The following CARMIL3 variants were observed in gnomAD, a reference collection of about 807,000 sequenced individuals.
The protein encoded by CARMIL3 is capping protein, Arp2/3 and myosin-I linker protein 3.
Under a neutral mutation model 180.8 loss-of-function variants are expected in CARMIL3, and 88 were observed. The ratio of observed to expected loss-of-function variants is 0.49; its 90% CI spans 0.41 to 0.58. The LOEUF is 0.58. Ranked by LOEUF, CARMIL3 falls within the 20% of genes least tolerant of loss-of-function variation. The pLI is 0.00. For missense variants in CARMIL3, 1,548 were observed against 1,787.0 expected, an observed-to-expected ratio of 0.87 and a Z score of 2.41; for synonymous variants, 696 against 714.5, an observed-to-expected ratio of 0.97 and a Z score of 0.41.
In CARMIL3 at chr14:24,059,489, C is replaced by A; in HGVS notation, c.1799+47C>A. The A allele has an allele frequency of 6.5e-7, 1 of 1,544,618 alleles. No homozygotes were observed. Among genetic ancestry groups the A allele is most frequent in the Non-Finnish European group, 8.8e-7 (1 of 1,141,952 alleles). ...CCTGACCTGGAGCCCCAGCCCCTCCCCATATGTACATAATCTCCCTGCTTT... is the reference window on the plus strand; with the variant it reads ...CCTGACCTGGAGCCCCAGCCCCTCCACATATGTACATAATCTCCCTGCTTT... On this transcript the variant is annotated intron_variant, in intron 21 of 39. Coordinates refer to ENST00000342740, the MANE Select transcript of CARMIL3 (RefSeq NM_138360.4). This position sits in a 1 kb window ranked among gnomAD's most constrained non-coding sequence, Gnocchi z 6.3.
At position 24,068,658 on chromosome 14, in the gene CARMIL3, G is replaced by A; in HGVS notation, c.3757G>A (p.Gly1253Arg). 1.9e-6 allele frequency: 3 copies of A among 1,613,974 alleles called. No homozygotes were observed. The highest frequency in any genetic ancestry group is 2.5e-6 in the Non-Finnish European group (3 of 1,179,946). Residue 1253 changes from glycine to arginine, a missense_variant, in exon 37 of 40, where the codon GGG (glycine) becomes AGG (arginine). Transcript: ENST00000342740. ...CCAAGATGGGGAAGAGGAGAAGGAGGGGACCCTCTTCCCAGAGAGGACACT... is the reference window on the plus strand; with the variant it reads ...CCAAGATGGGGAAGAGGAGAAGGAGAGGACCCTCTTCCCAGAGAGGACACT... ...ASQDGEEEKE[G>R]TLFPERTLPA...
Position 24,061,023 on chromosome 14 carries a change from G to A in CARMIL3, c.2287G>A (p.Val763Met), listed in dbSNP as rs1435445366. The A allele has an allele frequency of 1.9e-6, 3 of 1,551,624 alleles. No individual in the cohort carries two copies. In the African/African-American group the frequency reaches 4.1e-5, roughly 21 times the overall value. Reference protein sequence around the residue: ...ESVASEVSKAVDKELQVILES... With the variant: ...ESVASEVSKAMDKELQVILES... ...AGTAGCAAGTGAGGTGTCCAAAGCT[G>A]TGGACAAGGAGCTGCAGGCAAGTCC... Residue 763 changes from valine (V) to methionine (M), a missense_variant, in exon 26 of 40, where the codon GTG becomes ATG. Physicochemically the swap from Val to Met is conservative, Grantham distance 21. This residue lies in a region of CARMIL3 where 297 missense variants were observed against 415.9 expected (regional missense o/e 0.71). Transcript: ENST00000342740. The surrounding 1 kb of genome is among the most constrained non-coding windows in gnomAD (Gnocchi z 4.1).
In CARMIL3 at chr14:24,054,693, G is replaced by T. The variant is rs780464718; in HGVS notation, c.363-18G>T. 1.4e-5 allele frequency: 23 copies of T among 1,610,506 alleles called. No individual in the cohort carries two copies. The highest frequency in any genetic ancestry group is 1.6e-5 in the Non-Finnish European group (19 of 1,177,536). Reference sequence around the variant, plus strand: ...GCCTCTTTCCAGCCCTCTCTGGAATGACTTGTTTCTTTTCCAGGTGTTTGA... The same window carrying T: ...GCCTCTTTCCAGCCCTCTCTGGAATTACTTGTTTCTTTTCCAGGTGTTTGA... On this transcript the variant is annotated intron_variant, in intron 5 of 39. Transcript: ENST00000342740. This position sits in a 1 kb window ranked among gnomAD's most constrained non-coding sequence, Gnocchi z 5.1.
At position 24,062,862 on chromosome 14, in the gene CARMIL3, C is replaced by T; in HGVS notation, c.2706+16C>T. 6.3e-7 allele frequency: 1 copy of T among 1,591,676 alleles called. No homozygotes were observed. The highest frequency in any genetic ancestry group is 8.5e-7 in the Non-Finnish European group (1 of 1,169,682). ...GACCAACATTGTGAGCCCCCCGCTCCCTGCTCCTCCTTAATAACCTGGGCC... is the reference window on the plus strand; with the variant it reads ...GACCAACATTGTGAGCCCCCCGCTCTCTGCTCCTCCTTAATAACCTGGGCC... On this transcript the variant is annotated intron_variant, in intron 29 of 39. Transcript: ENST00000342740.
At position 24,061,242 on chromosome 14, in the gene CARMIL3, C is replaced by T. The variant is rs936434650; in HGVS notation, c.2304+202C>T. On this transcript the variant is annotated intron_variant, in intron 26 of 39. Transcript: ENST00000342740. The surrounding 1 kb of genome is among the most constrained non-coding windows in gnomAD (Gnocchi z 4.1). ...TTTCTGCTAGCTTTGATGTTGGTCCCTGAACTCTGACCTCCCTGCTCTGGA... is the reference window on the plus strand; with the variant it reads ...TTTCTGCTAGCTTTGATGTTGGTCCTTGAACTCTGACCTCCCTGCTCTGGA... The T allele has an allele frequency of 4.7e-6, 3 of 632,760 alleles. No homozygotes were observed. The highest frequency in any genetic ancestry group is 3.7e-5 in the African/African-American group (2 of 54,446). The allele number at this position is 632,760 out of a possible 1,614,324, so 39.2% of individuals were successfully genotyped here. A position where few individuals can be genotyped will look rare whatever the true frequency, so the allele number is the denominator to read the frequency against.
chr14:24,057,355 G>T, intron 14 of CARMIL3, 111 bp downstream of exon 14: 9 of 953,876 alleles, frequency 9.4e-6, no homozygotes, highest in South Asian at 1.4e-5. Context: ...CTGTCTAGAT[G>T]ACTTCAGGTT....
At chr14:24,064,802 C>T (rs4144200) in intron 32 of CARMIL3, among the ~76,000 whole-genome samples, 156 bp from the exon 33 acceptor site, 4,913 of 152,168 alleles carry the variant, frequency 0.032, 132 homozygotes, top group East Asian at 0.08. Flanking sequence ...AGGATTACAA[C>T]GGGACAGGAA....
Position 24,055,154 on chromosome 14 carries a change from C to G in CARMIL3, c.531+18C>G. 1.2e-6 allele frequency: 2 copies of G among 1,614,018 alleles called. No individual in the cohort carries two copies. The highest frequency in any genetic ancestry group is 1.7e-6 in the Non-Finnish European group (2 of 1,179,966). On this transcript the variant is annotated intron_variant, in intron 7 of 39. Coordinates refer to ENST00000342740, the MANE Select transcript of CARMIL3 (RefSeq NM_138360.4). ...TTCAATGGGTATGTTGGGCAGGGAC[C>G]CCATAGGGAACAGGTGGGACCTGGA...
At position 24,060,911 on chromosome 14, in the gene CARMIL3, C is replaced by A. The variant is rs748472436; in HGVS notation, c.2191-16C>A. 1 of 1,550,570 alleles carries A rather than the reference C, an allele frequency of 6.4e-7. No individual in the cohort carries two copies. Among genetic ancestry groups the A allele is most frequent in the Non-Finnish European group, 8.7e-7 (1 of 1,146,084 alleles). On this transcript the variant is annotated splice_polypyrimidine_tract_variant and intron_variant, in intron 25 of 39. Coordinates refer to ENST00000342740, the MANE Select transcript of CARMIL3 (RefSeq NM_138360.4). ...CCTGGTTCTGGCCTGCTAATCATAA[C>A]CCCTTCCTTCTCCAGCTGTTTCCCA...
intron 2 of CARMIL3, 110 bp downstream of exon 2, chr14:24,053,913 G>A (rs2035644328): frequency 8.4e-7 from 1 of 1,186,802 alleles, no homozygotes; most frequent in African/African-American, 1.5e-5. Flanking sequence ...TGGACACTGA[G>A]GAGACAAAAC....
Position 24,062,734 on chromosome 14 carries a change from C to T in CARMIL3, c.2594C>T (p.Thr865Met), listed in dbSNP as rs755925885. 41 of 1,611,726 alleles carry T rather than the reference C, an allele frequency of 2.5e-5. No homozygotes were observed. Among genetic ancestry groups the T allele is most frequent in the South Asian group, 7.7e-5 (7 of 90,646 alleles). Residue 865 changes from threonine (T) to methionine (M), a missense_variant, in exon 29 of 40, where the codon ACG becomes ATG. This residue lies in a region of CARMIL3 where 668 missense variants were observed against 687.8 expected (regional missense o/e 0.97). Coordinates refer to ENST00000342740, the MANE Select transcript of CARMIL3 (RefSeq NM_138360.4). ...SLARHLTQLR[T>M]LSDPPGCPGQ... ...GCCCGGCACCTGACCCAGCTAAGGA[C>T]GCTGTCAGATCCACCAGGGTGCCCA...
At chr14:24,066,773 C>T (rs1207061302) in intron 36 of CARMIL3, 117 bp downstream of exon 36, 11 of 1,015,676 alleles carry the variant, frequency 1.1e-5, no homozygotes, top group African/African-American at 1.6e-5. Context: ...AGTGAGAAGT[C>T]AACACAGTGA....
At position 24,062,293 on chromosome 14, in the gene CARMIL3, G is replaced by T. The variant is rs1465177077; in HGVS notation, c.2481-187G>T. 5 of 640,820 alleles carry T rather than the reference G, an allele frequency of 7.8e-6. No homozygotes were observed. In the East Asian group the frequency reaches 8.1e-5, roughly 10 times the overall value. The allele number at this position is 640,820 out of a possible 1,614,324, so 39.7% of individuals were successfully genotyped here. ...GGCTGGGGGCTCTGGGGTGGGACTA[G>T]ACGTGTATTTGTGGAGAAATGAGTG... On this transcript the variant is annotated intron_variant, in intron 27 of 39. Transcript: ENST00000342740.
chr14:24,056,436 C>A, intron 11 of CARMIL3, 43 bp downstream of exon 11: 1 of 1,581,930 alleles, frequency 6.3e-7, no homozygotes, highest in Non-Finnish European at 8.7e-7. Context: ...CAATGCAGAC[C>A]CCTGTCCTAG....
At chr14:24,057,330 C>T in intron 14 of CARMIL3, 86 bp downstream of exon 14, 1 of 1,229,694 alleles carries the variant, frequency 8.1e-7, no homozygotes, top group Non-Finnish European at 1.2e-6. Flanking sequence ...TCCCTGAGTA[C>T]ACAGGCGGGC....
In CARMIL3 at chr14:24,064,325, G is replaced by T. The variant is rs1206311052; in HGVS notation, c.3059G>T (p.Arg1020Met). Residue 1020 changes from arginine (R) to methionine (M), a missense_variant, in exon 32 of 40, where the codon AGG (arginine) becomes ATG (methionine). Arg to Met is a moderately conservative substitution (Grantham distance 91, BLOSUM62 -1). This residue lies in a region of CARMIL3 where 668 missense variants were observed against 687.8 expected (regional missense o/e 0.97). Coordinates refer to ENST00000342740, the MANE Select transcript of CARMIL3 (RefSeq NM_138360.4). Reference sequence around the variant, plus strand: ...GGGCTGGAGGACTTCTTCAGCCGAAGGGTCCTGGAGGAAAGTTCTAGGTGT... The same window carrying T: ...GGGCTGGAGGACTTCTTCAGCCGAATGGTCCTGGAGGAAAGTTCTAGGTGT... ...DEGLEDFFSR[R>M]VLEESSSYPR... 6.2e-7 allele frequency: 1 copy of T among 1,611,640 alleles called. No homozygotes were observed. Among genetic ancestry groups the T allele is most frequent in the South Asian group, 1.1e-5 (1 of 90,384 alleles).
Position 24,062,712 on chromosome 14 carries a change from C to G in CARMIL3, c.2572C>G (p.Arg858Gly), listed in dbSNP as rs754074691. 2.5e-6 allele frequency: 4 copies of G among 1,607,244 alleles called. No homozygotes were observed. Among genetic ancestry groups the G allele is most frequent in the African/African-American group, 2.7e-5 (2 of 74,826 alleles). Residue 858 changes from arginine (R) to glycine (G), a missense_variant, in exon 29 of 40, where the codon CGG becomes GGG. Physicochemically the swap from Arg to Gly is moderately radical, Grantham distance 125. Transcript: ENST00000342740. ...ELYHSHKSLA[R>G]HLTQLRTLSD... The stretch of plus-strand genomic sequence containing the variant: ...GTTCACACCTGCCCTTCCCCAGGCC[C>G]GGCACCTGACCCAGCTAAGGACGCT...
chr14:24,053,566 C>T, intron 1 of CARMIL3, 143 bp from the exon 2 acceptor site: 1 of 596,656 alleles, frequency 1.7e-6, no homozygotes, highest in Non-Finnish European at 3.0e-6. Context: ...AAGGAATGCC[C>T]TCTGTCCCTG....
chr14:24,057,109 G>T, intron 13 of CARMIL3, 58 bp from the exon 14 acceptor site: 2 of 1,595,540 alleles, frequency 1.3e-6, no homozygotes, highest in Non-Finnish European at 1.7e-6. Flanking sequence ...CATGGCCTCT[G>T]GGGGTGGCGA....
Sources: allele counts gnomAD v4.1 joint callset (sites outside exome capture counted in the v4.1 genomes callset), GRCh38; gene constraint gnomAD v4.1.1; regional missense constraint gnomAD v4.1.1; non-coding constraint Gnocchi (gnomAD v3.1); transcripts MANE v1.5; gene names NCBI Gene and HGNC (gene_info 2026-07-23, HGNC 2026-07-21).